The following PHEX variants were observed in gnomAD, a reference collection of about 807,000 sequenced individuals.
PHEX encodes the protein phosphate-regulating neutral endopeptidase PHEX.
Under a neutral mutation model 68.0 loss-of-function variants are expected in PHEX, and 16 were observed. The ratio of observed to expected loss-of-function variants is 0.24; its 90% CI spans 0.16 to 0.36. The LOEUF is 0.36. Among genes scored for constraint, PHEX ranks in the 10% least tolerant of loss-of-function variants. The pLI is 1.00. For missense variants in PHEX, 480 were observed against 575.5 expected, an observed-to-expected ratio of 0.83 and a Z score of 1.70; for synonymous variants, 208 against 205.1, an observed-to-expected ratio of 1.01 and a Z score of -0.12.
intron 12 of PHEX, among the ~76,000 whole-genome samples, chrX:22,157,893 A>G (rs974999105): frequency 8.9e-6 from 1 of 112,084 alleles, no homozygotes; most frequent in Non-Finnish European, 1.9e-5. Flanking sequence ...CTTCTGATTC[A>G]TGGAAGTGCT....
chrX:22,180,482 T>TAA (rs200002791), intron 14 of PHEX, among the ~76,000 whole-genome samples: 24 of 107,866 alleles, frequency 2.2e-4, no homozygotes, highest in African/African-American at 7.8e-4. Flanking sequence ...ATTCAAAAAT[T>TAA]AAAAAAAAAA....
At chrX:22,124,600 A>G (rs1419370732) in intron 11 of PHEX, among the ~76,000 whole-genome samples, 1 of 112,472 alleles carries the variant, frequency 8.9e-6, no homozygotes, top group African/African-American at 3.2e-5. Flanking sequence ...CAAAGGCTAG[A>G]CTATTTGAGA....
chrX:22,204,880 G>A (rs1015871917), intron 15 of PHEX, among the ~76,000 whole-genome samples: 1 of 110,777 alleles, frequency 9.0e-6, no homozygotes, highest in Non-Finnish European at 1.9e-5. Flanking sequence ...CTGATACATA[G>A]AGTAGTTTAG....
chrX:22,196,128 A>G (rs1934360084), intron 15 of PHEX, among the ~76,000 whole-genome samples: 1 of 111,839 alleles, frequency 8.9e-6, no homozygotes, highest in Non-Finnish European at 1.9e-5. Context: ...GCAGTGAGCT[A>G]TGATTATGCC....
intron 3 of PHEX, among the ~76,000 whole-genome samples, chrX:22,061,787 ATAT>A (rs1928376756): frequency 9.0e-6 from 1 of 111,547 alleles, no homozygotes; most frequent in Non-Finnish European, 1.9e-5. Context: ...TAGGAAGGTG[ATAT>A]TATTCCTGTT....
chrX:22,096,844 G>A, intron 7 of PHEX, 111 bp from the exon 8 acceptor site: 1 of 602,857 alleles, frequency 1.7e-6, no homozygotes, highest in Non-Finnish European at 2.8e-6. Context: ...CCACACCAAA[G>A]CCTTGAAAAA....
At chrX:22,096,163 G>C (rs750842396) in intron 7 of PHEX, among the ~76,000 whole-genome samples, 1 of 111,985 alleles carries the variant, frequency 8.9e-6, no homozygotes, top group South Asian at 3.7e-4. Flanking sequence ...ATGATGGAAG[G>C]CCCGAAGGCA....
At chrX:22,140,574 C>T (rs1402606580) in intron 12 of PHEX, among the ~76,000 whole-genome samples, 5 of 111,227 alleles carry the variant, frequency 4.5e-5, no homozygotes, top group African/African-American at 1.3e-4. Flanking sequence ...CCCTGCCTCC[C>T]GGGTTCAAGT....
At chrX:22,130,860 T>C (rs984938021) in intron 11 of PHEX, among the ~76,000 whole-genome samples, 5 of 110,661 alleles carry the variant, frequency 4.5e-5, no homozygotes, top group Non-Finnish European at 7.5e-5. Context: ...AATTTCCTTA[T>C]CTGTCAAATA....
At chrX:22,190,385 G>A in intron 14 of PHEX, 59 bp from the exon 15 acceptor site, 1 of 786,486 alleles carries the variant, frequency 1.3e-6, no homozygotes, top group Non-Finnish European at 2.0e-6. Flanking sequence ...GTTTGTCTTT[G>A]CTTCCCTCCT....
intron 12 of PHEX, among the ~76,000 whole-genome samples, chrX:22,145,019 T>A (rs1010613266): frequency 4.5e-5 from 5 of 111,825 alleles, no homozygotes; most frequent in African/African-American, 1.6e-4. Context: ...TAGATTCAGG[T>A]TCAATTTTCT....
At chrX:22,094,365 G>T (rs923462093) in intron 7 of PHEX, among the ~76,000 whole-genome samples, 1 of 112,246 alleles carries the variant, frequency 8.9e-6, no homozygotes, top group South Asian at 3.7e-4. Context: ...ACGTTGCTCA[G>T]CTGTGGCCAA....
At chrX:22,213,001 A>G in intron 16 of PHEX, 43 bp downstream of exon 16, 1 of 969,959 alleles carries the variant, frequency 1.0e-6, no homozygotes, top group Non-Finnish European at 1.5e-6. Flanking sequence ...CCAATTAGGA[A>G]GAACATGTTG....
At chrX:22,199,223 C>A (rs1042880173) in intron 15 of PHEX, among the ~76,000 whole-genome samples, 6 of 110,844 alleles carry the variant, frequency 5.4e-5, no homozygotes, top group Non-Finnish European at 1.1e-4. Flanking sequence ...GCCACTAAGA[C>A]CAGTTAGGAG....
At chrX:22,245,874 C>G (rs1256914779) in intron 21 of PHEX, among the ~76,000 whole-genome samples, 1 of 111,973 alleles carries the variant, frequency 8.9e-6, no homozygotes, top group Non-Finnish European at 1.9e-5. Context: ...TGTACTCTGC[C>G]TTAAAACACC....
chrX:22,201,378 G>T (rs2301324), intron 15 of PHEX, among the ~76,000 whole-genome samples: 37,662 of 110,035 alleles, frequency 0.34, 7,112 homozygotes, highest in African/African-American at 0.72. Flanking sequence ...AGAGACAGGA[G>T]TTTGCCATGT....
chrX:22,140,999 G>T (rs1308100450), intron 12 of PHEX, among the ~76,000 whole-genome samples: 1 of 109,636 alleles, frequency 9.1e-6, no homozygotes, highest in Non-Finnish European at 1.9e-5. Context: ...ACAGCTAGTA[G>T]GTAGAAGAGC....
At position 22,099,162 on chromosome X, in the gene PHEX, T is replaced by G. The variant is rs1425343163; in HGVS notation, c.1079+11T>G. On this transcript the variant is annotated intron_variant, in intron 9 of 21. Transcript: ENST00000379374. ...GTCTGAGAGAAAGAAGTAAGAACTT[T>G]CACATGAATTTTACTGTGACTTTTG... 2.5e-6 allele frequency: 3 copies of G among 1,192,458 alleles called. No homozygotes were observed. In the African/African-American group the frequency reaches 5.3e-5, roughly 21 times the overall value.
intron 5 of PHEX, among the ~76,000 whole-genome samples, chrX:22,085,148 C>T (rs1287104613): frequency 8.9e-6 from 1 of 111,813 alleles, no homozygotes; most frequent in African/African-American, 3.2e-5. Context: ...AATTCCTTTT[C>T]AGTACTCCTT....
Sources: gnomAD v4.1 joint callset for allele counts (sites outside exome capture counted in the v4.1 genomes callset) on GRCh38, gnomAD v4.1.1 for gene constraint, MANE v1.5 for transcripts, NCBI Gene and HGNC (gene_info 2026-07-23, HGNC 2026-07-21) for gene names.